TASP1: variants seen among roughly 807,000 people sequenced by gnomAD.
TASP1 encodes threonine aspartase 1.
TASP1 carries 16 observed loss-of-function variants against 56.6 expected under a neutral mutation model. That is an observed-to-expected ratio of 0.28 (90% CI 0.19 to 0.43). The LOEUF (loss-of-function observed/expected upper bound fraction) is 0.43. Ranked by LOEUF, TASP1 falls within the 20% of genes least tolerant of loss-of-function variation. TASP1 has a pLI of 1.00. For synonymous variants in TASP1, 179 were observed against 184.2 expected (o/e 0.97, Z 0.23); for missense variants, 393 against 511.6 (o/e 0.77, Z 2.24).
intron 6 of TASP1, among the ~76,000 whole-genome samples, chr20:13,574,318 G>A (rs888069647): frequency 1.3e-5 from 2 of 152,080 alleles, no homozygotes; most frequent in African/African-American, 2.4e-5. Context: ...GACCTGAAAG[G>A]CTCAAGCTGT....
At chr20:13,535,398 C>G (rs1227254038) in intron 8 of TASP1, among the ~76,000 whole-genome samples, 2 of 152,200 alleles carry the variant, frequency 1.3e-5, no homozygotes, top group African/African-American at 2.4e-5. Flanking sequence ...GTACTTACAT[C>G]TAGAATTTAT....
At chr20:13,351,378 A>G in the TASP1 span, among the ~76,000 whole-genome samples, 1 of 152,210 alleles carries the variant, frequency 6.6e-6, no homozygotes, top group African/African-American at 2.4e-5. Context: ...CCTGGTCACG[A>G]ATGTTTTAGC....
the TASP1 span, among the ~76,000 whole-genome samples, chr20:13,313,111 T>C: frequency 6.6e-6 from 1 of 152,194 alleles, no homozygotes; most frequent in Non-Finnish European, 1.5e-5. Flanking sequence ...CCTTAACCAA[T>C]GACTCCCGCA....
intron 11 of TASP1, among the ~76,000 whole-genome samples, chr20:13,466,571 C>T (rs2044248113): frequency 6.6e-6 from 1 of 151,990 alleles, no homozygotes; most frequent in Non-Finnish European, 1.5e-5. Flanking sequence ...ACAGTGAAAC[C>T]CCGTCACCAC....
chr20:13,450,516 A>G (rs775558475), intron 11 of TASP1, among the ~76,000 whole-genome samples: 1 of 152,136 alleles, frequency 6.6e-6, no homozygotes, highest in Non-Finnish European at 1.5e-5. Flanking sequence ...TATTTCAACA[A>G]TGTTCACAGC....
At chr20:13,314,047 C>T in the TASP1 span, among the ~76,000 whole-genome samples, 1 of 151,950 alleles carries the variant, frequency 6.6e-6, no homozygotes, top group African/African-American at 2.4e-5. Flanking sequence ...AATCTCTGAA[C>T]TTGAAGACAT....
intron 12 of TASP1, among the ~76,000 whole-genome samples, chr20:13,420,916 A>C (rs535411663): frequency 1.3e-5 from 2 of 152,132 alleles, no homozygotes; most frequent in Non-Finnish European, 2.9e-5. Context: ...TACTTGTTAC[A>C]CATTAAGAAG....
intron 10 of TASP1, among the ~76,000 whole-genome samples, chr20:13,503,518 T>C (rs2044021326): frequency 6.6e-6 from 1 of 152,198 alleles, no homozygotes; most frequent in African/African-American, 2.4e-5. Flanking sequence ...AGGACATAAT[T>C]GCTTCAACTG....
chr20:13,232,433 T>C, the TASP1 span, among the ~76,000 whole-genome samples: 1 of 152,260 alleles, frequency 6.6e-6, no homozygotes, highest in East Asian at 1.9e-4. Context: ...GGCTTTTTGC[T>C]CATGTTGAGA....
the TASP1 span, among the ~76,000 whole-genome samples, chr20:13,352,976 T>C: frequency 6.6e-6 from 1 of 151,986 alleles, no homozygotes; most frequent in Non-Finnish European, 1.5e-5. Context: ...GTGGTTCACA[T>C]CTGTAATCCC....
At chr20:13,598,232 C>T (rs2047819277) in intron 4 of TASP1, among the ~76,000 whole-genome samples, 1 of 152,152 alleles carries the variant, frequency 6.6e-6, no homozygotes, top group African/African-American at 2.4e-5. Context: ...CAAGACAATC[C>T]TAAGCAAAAA....
the TASP1 span, among the ~76,000 whole-genome samples, chr20:13,362,164 C>G: frequency 1.3e-5 from 2 of 150,194 alleles, no homozygotes; most frequent in South Asian, 2.1e-4. Flanking sequence ...CGCACCACCC[C>G]CCAAAAATTT....
At chr20:13,348,967 T>C in the TASP1 span, among the ~76,000 whole-genome samples, 1 of 152,182 alleles carries the variant, frequency 6.6e-6, no homozygotes, top group South Asian at 2.1e-4. Context: ...TTTTTGACAG[T>C]CCTCAATTAG....
the TASP1 span, among the ~76,000 whole-genome samples, chr20:13,293,974 C>CA: frequency 0.017 from 2,328 of 140,616 alleles, 27 homozygotes; most frequent in Non-Finnish European, 0.025. Context: ...AACTCCATCT[C>CA]AAAAAAAAAA....
intron 6 of TASP1, 137 bp downstream of exon 6, chr20:13,580,760 A>G: frequency 2.5e-6 from 2 of 792,068 alleles, no homozygotes; most frequent in East Asian, 2.5e-5. Flanking sequence ...TTAGCTGTAC[A>G]AAATGTTCCA....
chr20:13,218,114 G>T, the TASP1 span, among the ~76,000 whole-genome samples: 5 of 152,038 alleles, frequency 3.3e-5, no homozygotes, highest in Non-Finnish European at 7.4e-5. Context: ...AGCCAGGCGT[G>T]GGGGCAGGAT....
the TASP1 span, chr20:13,270,609 C>T: frequency 4.3e-6 from 7 of 1,613,872 alleles, no homozygotes; most frequent in Admixed American, 1.2e-4. Context: ...CCAACCCTTC[C>T]CCAGACCGCG....
chr20:13,243,055 T>G, the TASP1 span, among the ~76,000 whole-genome samples: 1 of 152,218 alleles, frequency 6.6e-6, no homozygotes, highest in African/African-American at 2.4e-5. Flanking sequence ...AGGCAAGATT[T>G]GAACTTTGGC....
chr20:13,611,265 C>T (rs1389272629), intron 4 of TASP1, among the ~76,000 whole-genome samples: 1 of 152,146 alleles, frequency 6.6e-6, no homozygotes, highest in Admixed American at 6.5e-5. Flanking sequence ...CTTGGACTTT[C>T]AGTACGTTCC....
Sources: allele counts gnomAD v4.1 joint callset (sites outside exome capture counted in the v4.1 genomes callset), GRCh38; gene constraint gnomAD v4.1.1; transcripts MANE v1.5; gene names NCBI Gene and HGNC (gene_info 2026-07-23, HGNC 2026-07-21).